CHCHD5: variants seen among roughly 807,000 people sequenced by gnomAD.
CHCHD5 encodes coiled-coil-helix-coiled-coil-helix domain containing 5.
Under a neutral mutation model 16.0 loss-of-function variants are expected in CHCHD5, and 10 were observed. That is an observed-to-expected ratio of 0.63 (90% confidence interval 0.39 to 1.06). The LOEUF (loss-of-function observed/expected upper bound fraction) is 1.06. Ranked by LOEUF, CHCHD5 falls within the 50% of genes least tolerant of loss-of-function variation. The pLI, the probability that CHCHD5 is intolerant of heterozygous loss-of-function variation, is 0.01. For synonymous variants in CHCHD5, 55 were observed against 56.3 expected (o/e 0.98, Z 0.10); for missense variants, 163 against 153.4 (o/e 1.06, Z -0.33).
intron 1 of CHCHD5, chr2:112,584,923 G>A: frequency 3.6e-6 from 2 of 548,922 alleles, no homozygotes; most frequent in South Asian, 4.8e-5. Context: ...CCCCAGGTCC[G>A]GCCTTCACAC....
At chr2:112,588,580 T>G in intron 3 of CHCHD5, 1 of 442,818 alleles carries the variant, frequency 2.3e-6, no homozygotes, top group Non-Finnish European at 4.0e-6. Flanking sequence ...ATTTCTTGGA[T>G]GTTGACATAT....
upstream of CHCHD5, chr2:112,584,450 C>G: frequency 3.1e-6 from 2 of 641,756 alleles, no homozygotes; most frequent in Non-Finnish European, 2.8e-6. Flanking sequence ...AGTGGCTACT[C>G]AGGGCGCCGC....
In CHCHD5 at chr2:112,586,078, A is replaced by G; in HGVS notation, c.107A>G (p.Tyr36Cys). ...GAATCCTGGCAGCGGGACTGTCACT[A>G]CCTTAAGATGAGCATTGCCCAGTGC... is the stretch of plus-strand genomic sequence containing the variant. ...KPESWQRDCH[Y>C]LKMSIAQCTS... Residue 36 changes from tyrosine (Y) to cysteine (C), a missense_variant, in exon 2 of 4, where the codon TAC (tyrosine) becomes TGC (cysteine). Tyr to Cys is a radical substitution (Grantham distance 194). Coordinates refer to ENST00000324913, the MANE Select transcript of CHCHD5 (RefSeq NM_032309.4). 6.2e-7 allele frequency: 1 copy of G among 1,613,622 alleles called. No individual in the cohort carries two copies. The highest frequency in any genetic ancestry group is 8.5e-7 in the Non-Finnish European group (1 of 1,179,846).
At chr2:112,584,801 T>C in intron 1 of CHCHD5, 152 bp downstream of exon 1, 2 of 884,452 alleles carry the variant, frequency 2.3e-6, no homozygotes, top group Admixed American at 2.3e-5. Context: ...GCTCACGAGC[T>C]CCAACCCTCC....
rs1558674618 is a variant in CHCHD5 at position 112,588,934 on chromosome 2, C to T, written c.*45C>T. On this transcript the variant is annotated 3_prime_UTR_variant, in exon 4 of 4. Transcript: ENST00000324913. The stretch of plus-strand genomic sequence containing the variant: ...AAAACTGGACATGAATGACTGCCCC[C>T]ACGCCCCTCCCCTGCAGAGTGGCCA... 2 of 1,507,242 alleles carry T rather than the reference C, an allele frequency of 1.3e-6. No individual in the cohort carries two copies. The highest frequency in any genetic ancestry group is 2.3e-5 in the South Asian group (2 of 88,378). The allele number at this position is 1,507,242 out of a possible 1,614,324, so 93.4% of individuals were successfully genotyped here. A position where few individuals can be genotyped will look rare whatever the true frequency, so the allele number is the denominator to read the frequency against.
intron 1 of CHCHD5, among the ~76,000 whole-genome samples, chr2:112,585,620 G>A (rs943976882): frequency 3.3e-5 from 5 of 152,210 alleles, no homozygotes; most frequent in East Asian, 1.9e-4. Context: ...CTTTCTTTGC[G>A]GAGCACCATA....
chr2:112,586,658 G>A, intron 3 of CHCHD5: 1 of 1,414,596 alleles, frequency 7.1e-7, no homozygotes, highest in East Asian at 2.5e-5. Flanking sequence ...AGCATGTAAG[G>A]ACTGAAATCT....
rs1685299841 is a variant in CHCHD5, at chr2:112,588,861, C to T, written c.310-5C>T. On this transcript the variant is annotated splice_region_variant and splice_polypyrimidine_tract_variant and intron_variant, in intron 3 of 3. Transcript: ENST00000324913. ...CTACTAGATGTTGATGTACTTTCTC[C>T]ACAGGCACAGCCACTTCCTGCCTCC... 5.0e-6 allele frequency: 8 copies of T among 1,611,198 alleles called. No homozygotes were observed. Among genetic ancestry groups the T allele is most frequent in the African/African-American group, 1.3e-5 (1 of 74,836 alleles).
intron 1 of CHCHD5, 122 bp downstream of exon 1, chr2:112,584,771 C>T: frequency 8.1e-7 from 1 of 1,228,392 alleles, no homozygotes; most frequent in African/African-American, 1.5e-5. Context: ...GAGATCTGAC[C>T]CTCAGGATTC....
intron 3 of CHCHD5, 191 bp downstream of exon 3, chr2:112,586,556 C>G (rs571008361): frequency 2.9e-5 from 44 of 1,526,556 alleles, no homozygotes; most frequent in Non-Finnish European, 3.8e-5. Flanking sequence ...TCCACCACCA[C>G]CCTCACCCTC....
At chr2:112,587,621 A>G (rs537083341) in intron 3 of CHCHD5, 1 of 152,330 alleles carries the variant, frequency 6.6e-6, no homozygotes, top group East Asian at 1.9e-4. Context: ...GCCTGTGTCA[A>G]GGGAGCTCTT....
Position 112,584,617 on chromosome 2 carries a change from C to T in CHCHD5, c.-31C>T, listed in dbSNP as rs775139364. The T allele has an allele frequency of 6.2e-7, 1 of 1,611,926 alleles. No homozygotes were observed. On this transcript the variant is annotated 5_prime_UTR_variant, in exon 1 of 4. Coordinates refer to ENST00000324913, the MANE Select transcript of CHCHD5 (RefSeq NM_032309.4). ...ACCGGAAAAGGCGGGTCGTTCCCCCCGGACAGCCCTACGCCGGCAAAGGTC... is the reference window on the plus strand; with the variant it reads ...ACCGGAAAAGGCGGGTCGTTCCCCCTGGACAGCCCTACGCCGGCAAAGGTC...
At chr2:112,586,156 T>TGGG in intron 2 of CHCHD5, 42 bp downstream of exon 2, 1 of 1,310,472 alleles carries the variant, frequency 7.6e-7, no homozygotes, top group Non-Finnish European at 1.1e-6. Flanking sequence ...GGGTGGGCAG[T>TGGG]GGGGTGGGAA....
intron 3 of CHCHD5, chr2:112,587,238 G>A (rs1359679673): frequency 6.6e-6 from 1 of 152,240 alleles, no homozygotes; most frequent in African/African-American, 2.4e-5. Flanking sequence ...ATCTGACCAT[G>A]TTCTGCTTCT....
rs749299054 is a variant in CHCHD5 at position 112,586,447 on chromosome 2, G to T, written c.309+82G>T. 4.4e-6 allele frequency: 7 copies of T among 1,594,696 alleles called. No individual in the cohort carries two copies. The Admixed American group carries it at 1.2e-4, about 28-fold the overall frequency. The stretch of plus-strand genomic sequence containing the variant: ...CTGGTTGTTCAGGGTAAAGACTTTG[G>T]AGTCATCCTCAGCCCCACCCCATCA... On this transcript the variant is annotated intron_variant, in intron 3 of 3. Transcript: ENST00000324913.
intron 3 of CHCHD5, chr2:112,586,604 TC>T: frequency 6.7e-7 from 1 of 1,484,782 alleles, no homozygotes; most frequent in Non-Finnish European, 9.0e-7. Flanking sequence ...CTCCCTGGTC[TC>T]CCTTCCTCCC....
At chr2:112,586,450 T>C (rs1218091254) in intron 3 of CHCHD5, 85 bp downstream of exon 3, 1 of 1,590,082 alleles carries the variant, frequency 6.3e-7, no homozygotes, top group Non-Finnish European at 8.6e-7. Flanking sequence ...GACTTTGGAG[T>C]CATCCTCAGC....
chr2:112,586,665 A>G (rs746329059), intron 3 of CHCHD5: 38 of 1,367,218 alleles, frequency 2.8e-5, no homozygotes, highest in Non-Finnish European at 3.6e-5. Context: ...AAGGACTGAA[A>G]TCTGGTCTCA....
chr2:112,586,558 C>G, intron 3 of CHCHD5, 193 bp downstream of exon 3: 2 of 1,526,864 alleles, frequency 1.3e-6, no homozygotes, highest in Admixed American at 2.0e-5. Flanking sequence ...CACCACCACC[C>G]TCACCCTCCA....
Sources: gnomAD v4.1 joint callset for allele counts (sites outside exome capture counted in the v4.1 genomes callset) on GRCh38, gnomAD v4.1.1 for gene constraint, MANE v1.5 for transcripts, NCBI Gene and HGNC (gene_info 2026-07-23, HGNC 2026-07-21) for gene names.